PCDHGA10: variants seen among roughly 807,000 people sequenced by gnomAD.
PCDHGA10 encodes protocadherin gamma subfamily A, 10, also known as protocadherin gamma-A10.
Under a neutral mutation model 59.5 loss-of-function variants are expected in PCDHGA10, and 42 were observed. The observed-to-expected ratio is 0.71, with a 90% confidence interval of 0.55 to 0.91. The LOEUF (loss-of-function observed/expected upper bound fraction) is 0.91, where lower values mean the gene tolerates loss of function less well. Ranked by LOEUF, PCDHGA10 falls within the 40% of genes least tolerant of loss-of-function variation. The probability of loss-of-function intolerance (pLI) is 0.00; values close to 1 mark genes in which losing one functional copy is unlikely to be tolerated. For missense variants in PCDHGA10, 1,111 were observed against 1,198.2 expected (o/e 0.93, Z 1.07); for synonymous variants, 511 against 517.2 (o/e 0.99, Z 0.16).
At chr5:141,417,423 C>T (rs1252792899) in intron 1 of PCDHGA10, 1 of 159,686 alleles carries the variant, frequency 6.3e-6, no homozygotes, top group African/African-American at 2.4e-5. Context: ...TATGTAAATT[C>T]AGTAAATAAA....
intron 1 of PCDHGA10, among the ~76,000 whole-genome samples, chr5:141,467,372 T>C (rs1006663543): frequency 2.0e-5 from 3 of 152,072 alleles, no homozygotes; most frequent in African/African-American, 7.2e-5. Flanking sequence ...TTTTCTTATA[T>C]TGCATTTAGG....
At chr5:141,429,577 T>C (rs2097225544) in intron 1 of PCDHGA10, among the ~76,000 whole-genome samples, 2 of 152,230 alleles carry the variant, frequency 1.3e-5, no homozygotes, top group South Asian at 4.1e-4. Context: ...TTACATTTAC[T>C]TTTGATTCTT....
chr5:141,481,900 C>T (rs949418188), intron 1 of PCDHGA10, among the ~76,000 whole-genome samples: 13 of 126,002 alleles, frequency 1.0e-4, no homozygotes, highest in African/African-American at 3.2e-4. Flanking sequence ...GGTGAAAGAG[C>T]GAAACTCCAT....
intron 1 of PCDHGA10, chr5:141,441,945 G>A: frequency 3.0e-6 from 1 of 333,884 alleles, no homozygotes; most frequent in Non-Finnish European, 5.8e-6. Flanking sequence ...ACCACGTGCT[G>A]CAGGCCAGCA....
chr5:141,426,630 T>C, intron 1 of PCDHGA10: 1 of 398,080 alleles, frequency 2.5e-6, no homozygotes, highest in South Asian at 1.8e-5. Context: ...TCTAAATGTT[T>C]TTCACATAAA....
At chr5:141,503,598 CAAAAAAA>C (rs765754054) in intron 2 of PCDHGA10, among the ~76,000 whole-genome samples, 8 of 65,766 alleles carry the variant, frequency 1.2e-4, no homozygotes, top group South Asian at 1.1e-3. Context: ...GACTCCAGCT[CAAAAAAA>C]AAAAAAAAAG....
rs114740440 is a variant in PCDHGA10 at position 141,426,595 on chromosome 5, C to T, written c.2436+10984C>T. The T allele has an allele frequency of 4.0e-3, 1,518 of 375,912 alleles. 5 individuals carry two copies. Among genetic ancestry groups the T allele is most frequent in the Non-Finnish European group, 5.9e-3 (1,105 of 185,722 alleles). 23.3% of individuals were successfully genotyped at this position (375,912 alleles called of 1,614,324 possible). ...GTCTTCAAAATCCTCTGTGTCATAC[C>T]CTTAGAGATTGTAGCAGAGAATCCT... On this transcript the variant is annotated intron_variant, in intron 1 of 3. Coordinates refer to ENST00000398610, the MANE Select transcript of PCDHGA10 (RefSeq NM_018913.3).
intron 1 of PCDHGA10, chr5:141,415,978 C>A: frequency 5.7e-6 from 2 of 353,430 alleles, no homozygotes; most frequent in Non-Finnish European, 9.4e-6. Flanking sequence ...CTTAAGCAAC[C>A]CTCTTGTTCT....
Position 141,486,912 on chromosome 5 carries a change from T to C in PCDHGA10, c.2437-7895T>C. The stretch of plus-strand genomic sequence containing the variant: ...CCTGGTTCCTTATGTCCCCAAGCAC[T>C]GCCTCCATCAGTTGGTGCTGGCCAC... On this transcript the variant is annotated intron_variant, in intron 1 of 3. Coordinates refer to ENST00000398610, the MANE Select transcript of PCDHGA10 (RefSeq NM_018913.3). This position sits in a 1 kb window ranked among gnomAD's most constrained non-coding sequence, Gnocchi z 5.0. The C allele has an allele frequency of 1.2e-6, 2 of 1,614,246 alleles. No homozygotes were observed. Among genetic ancestry groups the C allele is most frequent in the Non-Finnish European group, 1.7e-6 (2 of 1,180,040 alleles).
chr5:141,441,103 A>C (rs2098225469), intron 1 of PCDHGA10: 1 of 152,198 alleles, frequency 6.6e-6, no homozygotes, highest in Non-Finnish European at 1.5e-5. Flanking sequence ...AGAGGGACTC[A>C]TTGTCCAGTG....
In PCDHGA10 at chr5:141,491,942, C is replaced by A; in HGVS notation, c.2437-2865C>A. The A allele has an allele frequency of 8.9e-7, 1 of 1,122,490 alleles. No individual in the cohort carries two copies. The highest frequency in any genetic ancestry group is 1.2e-6 in the Non-Finnish European group (1 of 824,374). 69.5% of individuals were successfully genotyped at this position (1,122,490 alleles called of 1,614,324 possible). The stretch of plus-strand genomic sequence containing the variant: ...GGCGAGGGGAGGTGGGACCGACCCC[C>A]ACCCCTACACTCAAAAAAGGCCGGG... On this transcript the variant is annotated intron_variant, in intron 1 of 3. Transcript: ENST00000398610. The surrounding 1 kb of genome is among the most constrained non-coding windows in gnomAD (Gnocchi z 6.9).
Position 141,413,748 on chromosome 5 carries a change from T to G in PCDHGA10, c.573T>G (p.Asn191Lys), listed in dbSNP as rs1264580781. 6.2e-7 allele frequency: 1 copy of G among 1,613,288 alleles called. No homozygotes were observed. The highest frequency in any genetic ancestry group is 1.7e-5 in the Admixed American group (1 of 60,014). The change falls in exon 1 of 4, where the codon AAT (asparagine) becomes AAG (lysine). Residue 191 changes from asparagine to lysine, a missense_variant. Asn to Lys is a moderately conservative substitution (Grantham distance 94). Coordinates refer to ENST00000398610, the MANE Select transcript of PCDHGA10 (RefSeq NM_018913.3). The part of the protein sequence containing the change: ...HFSLRVQSRA[N>K]GVKYPELVLE... ...CCCTAAGAGTTCAGAGCCGTGCCAATGGCGTCAAGTACCCGGAGCTGGTAC... is the reference window on the plus strand; with the variant it reads ...CCCTAAGAGTTCAGAGCCGTGCCAAGGGCGTCAAGTACCCGGAGCTGGTAC...
In PCDHGA10 at chr5:141,511,125, A is replaced by T. The variant is rs755685600; in HGVS notation, c.2763A>T (p.Ala921=). Residue 921 remains alanine, a synonymous_variant, in exon 4 of 4, where the codon GCA becomes GCT. Transcript: ENST00000398610. ...GCAAGCGGGATGGCAAGGCCCCAGCAGGTGGCAATGGCAACAAGAAGAAGT... is the reference window on the plus strand; with the variant it reads ...GCAAGCGGGATGGCAAGGCCCCAGCTGGTGGCAATGGCAACAAGAAGAAGT... ...AAGKRDGKAP[A]GGNGNKKKSG... 2 of 1,614,216 alleles carry T rather than the reference A, an allele frequency of 1.2e-6. No individual in the cohort carries two copies. The highest frequency in any genetic ancestry group is 2.2e-5 in the South Asian group (2 of 91,092).
Position 141,431,560 on chromosome 5 carries a change from C to G in PCDHGA10, c.2436+15949C>G, listed in dbSNP as rs751276470. The G allele has an allele frequency of 6.2e-7, 1 of 1,613,986 alleles. No individual in the cohort carries two copies. The highest frequency in any genetic ancestry group is 1.7e-5 in the Admixed American group (1 of 60,016). On this transcript the variant is annotated intron_variant, in intron 1 of 3. Transcript: ENST00000398610. This position sits in a 1 kb window ranked among gnomAD's most constrained non-coding sequence, Gnocchi z 4.8. Reference sequence around the variant, plus strand: ...CGCAGCTGCTTGTAGTCAACGCTACCGACCCTGACGAAGGAGTCAATGCGG... The same window carrying G: ...CGCAGCTGCTTGTAGTCAACGCTACGGACCCTGACGAAGGAGTCAATGCGG...
At position 141,414,986 on chromosome 5, in the gene PCDHGA10, A is replaced by G; in HGVS notation, c.1811A>G (p.Gln604Arg). 4 of 1,613,824 alleles carry G rather than the reference A, an allele frequency of 2.5e-6. No homozygotes were observed. The highest frequency in any genetic ancestry group is 3.4e-6 in the Non-Finnish European group (4 of 1,180,024). Residue 604 changes from glutamine (Q) to arginine (R), a missense_variant, in exon 1 of 4, where the codon CAG (glutamine) becomes CGG (arginine). Physicochemically the swap from Gln to Arg is conservative, Grantham distance 43. Transcript: ENST00000398610. The stretch of plus-strand genomic sequence containing the variant: ...GTGGCGGTGGACAGAGACTCCGGCC[A>G]GAACGCCTGGCTGTCCTACCGTCTG... ...KVVAVDRDSG[Q>R]NAWLSYRLLK... is the part of the protein sequence containing the mutation.
Position 141,476,735 on chromosome 5 carries a change from G to C in PCDHGA10, c.2437-18072G>C, listed in dbSNP as rs1267556668. The C allele has an allele frequency of 6.2e-7, 1 of 1,613,974 alleles. No individual in the cohort carries two copies. Among genetic ancestry groups the C allele is most frequent in the African/African-American group, 1.3e-5 (1 of 74,940 alleles). On this transcript the variant is annotated intron_variant, in intron 1 of 3. Coordinates refer to ENST00000398610, the MANE Select transcript of PCDHGA10 (RefSeq NM_018913.3). This position sits in a 1 kb window ranked among gnomAD's most constrained non-coding sequence, Gnocchi z 7.6. ...GGAGCGCGCCCTGGACCGAGAACGG[G>C]AGCCTAGTCTCCAGTTAGTGCTGAC...
At position 141,478,876 on chromosome 5, in the gene PCDHGA10, C is replaced by A. The variant is rs2099482470; in HGVS notation, c.2437-15931C>A. 30 of 1,265,748 alleles carry A rather than the reference C, an allele frequency of 2.4e-5. No individual in the cohort carries two copies. The South Asian group carries it at 4.7e-4, about 20-fold the overall frequency. 78.4% of individuals were successfully genotyped at this position (1,265,748 alleles called of 1,614,324 possible). On this transcript the variant is annotated intron_variant, in intron 1 of 3. Transcript: ENST00000398610. ...CAAGATCTCAGCGATCAGAGTTTAGCTTGGTATCATTTACATTAGGAATAA... is the reference window on the plus strand; with the variant it reads ...CAAGATCTCAGCGATCAGAGTTTAGATTGGTATCATTTACATTAGGAATAA...
intron 1 of PCDHGA10, chr5:141,430,857 A>C (rs748992376): frequency 1.9e-6 from 3 of 1,591,316 alleles, no homozygotes; most frequent in Non-Finnish European, 2.6e-6. Flanking sequence ...CAGATACGCT[A>C]TTCAGTTCCG....
Position 141,420,946 on chromosome 5 carries a change from A to G in PCDHGA10, c.2436+5335A>G, listed in dbSNP as rs1561791007. 5 of 400,268 alleles carry G rather than the reference A, an allele frequency of 1.2e-5. No homozygotes were observed. In the East Asian group the frequency reaches 1.7e-4, roughly 14 times the overall value. The allele number at this position is 400,268 out of a possible 1,614,324, so 24.8% of individuals were successfully genotyped here. A position where few individuals can be genotyped will look rare whatever the true frequency, so the allele number is the denominator to read the frequency against. ...AGGTGAGCGTAATCATTTCTTCTGG[A>G]ATTTCTTAGTCGTTGCAATAATAAG... On this transcript the variant is annotated intron_variant, in intron 1 of 3. Coordinates refer to ENST00000398610, the MANE Select transcript of PCDHGA10 (RefSeq NM_018913.3).
Sources: allele counts gnomAD v4.1 joint callset (sites outside exome capture counted in the v4.1 genomes callset), GRCh38; gene constraint gnomAD v4.1.1; non-coding constraint Gnocchi (gnomAD v3.1); transcripts MANE v1.5; gene names NCBI Gene and HGNC (gene_info 2026-07-23, HGNC 2026-07-21).